DIS3L2: variants seen among roughly 807,000 people sequenced by gnomAD.
DIS3L2 encodes DIS3 like 3'-5' exoribonuclease 2, also known as DIS3-like exonuclease 2.
A neutral mutation model predicts 97.5 loss-of-function variants in DIS3L2; 34 were observed. The observed-to-expected ratio is 0.35, with a 90% CI of 0.27 to 0.46. The LOEUF (loss-of-function observed/expected upper bound fraction) is 0.46, where lower values mean the gene tolerates loss of function less well. Among genes scored for constraint, DIS3L2 ranks in the 20% least tolerant of loss-of-function variants. The pLI is 1.00. For missense variants in DIS3L2, 1,038 were observed against 1,146.0 expected (o/e 0.91, Z 1.36); for synonymous variants, 435 against 445.2 (o/e 0.98, Z 0.29).
intron 7 of DIS3L2, among the ~76,000 whole-genome samples, chr2:232,133,415 G>A (rs1698272423): frequency 6.6e-6 from 1 of 152,188 alleles, no homozygotes; most frequent in South Asian, 2.1e-4. Flanking sequence ...CCCCAACAGG[G>A]TGTATGACTG....
chr2:232,130,770 T>C, intron 7 of DIS3L2, 51 bp downstream of exon 7: 1 of 1,604,014 alleles, frequency 6.2e-7, no homozygotes. Flanking sequence ...TCACCTGAGC[T>C]ACTTGTTGAA....
chr2:232,325,787 G>GC lies in DIS3L2; in HGVS notation c.1740-4022dup, dbSNP rs1575020202. Among the ~76,000 whole-genome samples the GC allele has an allele frequency of 6.6e-6, 1 of 152,176 alleles. No individual in the cohort carries two copies. Among genetic ancestry groups the GC allele is most frequent in the Non-Finnish European group, 1.5e-5 (1 of 68,008 alleles). Reference sequence around the variant, plus strand: ...TGTCAGGCAGTCCCTGAGCTCCAGCGCCCCATCCCCCGCAGGGCCCAGTGA... The same window carrying GC: ...TGTCAGGCAGTCCCTGAGCTCCAGCGCCCCCATCCCCCGCAGGGCCCAGTGA... On this transcript the variant is annotated intron_variant, in intron 14 of 20. Transcript: ENST00000325385. The surrounding 1 kb of genome is among the most constrained non-coding windows in gnomAD (Gnocchi z 4.6).
At chr2:232,115,744 G>A (rs562995294) in intron 6 of DIS3L2, among the ~76,000 whole-genome samples, 38 of 152,304 alleles carry the variant, frequency 2.5e-4, no homozygotes, top group African/African-American at 9.1e-4. Flanking sequence ...TTGTGAAGAA[G>A]TTTTGCCTTC....
chr2:232,156,280 C>T (rs958913338), intron 8 of DIS3L2, among the ~76,000 whole-genome samples: 1 of 152,120 alleles, frequency 6.6e-6, no homozygotes, highest in South Asian at 2.1e-4. Context: ...CTACTTATTT[C>T]CTGAGGTCTA....
chr2:232,322,230 C>G (rs1291251880), intron 14 of DIS3L2, among the ~76,000 whole-genome samples: 1 of 152,244 alleles, frequency 6.6e-6, no homozygotes, highest in Non-Finnish European at 1.5e-5. Flanking sequence ...GAGGACAAAG[C>G]ATGGATGGGG....
At chr2:232,251,292 A>G (rs1693411582) in intron 12 of DIS3L2, among the ~76,000 whole-genome samples, 2 of 152,208 alleles carry the variant, frequency 1.3e-5, no homozygotes, top group African/African-American at 4.8e-5. Flanking sequence ...TTTAAAAAAG[A>G]AGGTAGCTGT....
chr2:232,029,833 A>C lies in DIS3L2; in HGVS notation c.265-146A>C. On this transcript the variant is annotated intron_variant, in intron 4 of 20. Transcript: ENST00000325385. ...GTAAAAAATTCATTTAGTATTAAAA[A>C]GGTATCAGCATGCTTTATTTAATAC... is the stretch of plus-strand genomic sequence containing the variant. 1.4e-5 allele frequency: 8 copies of C among 583,410 alleles called. 1 individual carries two copies. In the South Asian group the frequency reaches 1.9e-4, roughly 14 times the overall value. The allele number at this position is 583,410 out of a possible 1,614,324, so 36.1% of individuals were successfully genotyped here. A position where few individuals can be genotyped will look rare whatever the true frequency, so the allele number is the denominator to read the frequency against.
downstream of DIS3L2, among the ~76,000 whole-genome samples, chr2:232,338,950 G>A (rs1291128336): frequency 6.6e-6 from 1 of 152,254 alleles, no homozygotes. Flanking sequence ...GAGACACCGT[G>A]GGGGAGGGAG....
intron 6 of DIS3L2, among the ~76,000 whole-genome samples, chr2:232,095,830 A>C (rs1696990451): frequency 6.6e-6 from 1 of 152,052 alleles, no homozygotes; most frequent in African/African-American, 2.4e-5. Context: ...CTTTCACTGG[A>C]TATACTATTC....
intron 14 of DIS3L2, among the ~76,000 whole-genome samples, chr2:232,316,274 A>C (rs937674218): frequency 6.6e-6 from 1 of 152,236 alleles, no homozygotes; most frequent in African/African-American, 2.4e-5. Context: ...GAGAGGATTT[A>C]TTCTTCCAGG....
intron 9 of DIS3L2, among the ~76,000 whole-genome samples, chr2:232,202,969 A>G (rs1164988812): frequency 1.3e-5 from 2 of 152,220 alleles, no homozygotes; most frequent in Non-Finnish European, 2.9e-5. Context: ...GGAGGCTTAG[A>G]TGAATTCAGC....
intron 1 of DIS3L2, among the ~76,000 whole-genome samples, chr2:232,013,753 A>C (rs1039330317): frequency 6.6e-6 from 1 of 152,164 alleles, no homozygotes; most frequent in Non-Finnish European, 1.5e-5. Context: ...TGACTCCTCC[A>C]TCTGCCTTTC....
chr2:231,967,199 G>A (rs1313776625), intron 1 of DIS3L2, among the ~76,000 whole-genome samples: 1 of 152,214 alleles, frequency 6.6e-6, no homozygotes, highest in Non-Finnish European at 1.5e-5. Flanking sequence ...TAAAGTATTG[G>A]TGGAGTGTCT....
At chr2:232,270,010 G>A (rs1175497030) in intron 13 of DIS3L2, among the ~76,000 whole-genome samples, 1 of 152,156 alleles carries the variant, frequency 6.6e-6, no homozygotes, top group Non-Finnish European at 1.5e-5. Context: ...AAATCGACAA[G>A]CCTGTAGCAA....
chr2:232,273,877 A>T (rs11693645), intron 13 of DIS3L2, among the ~76,000 whole-genome samples: 1 of 152,164 alleles, frequency 6.6e-6, no homozygotes, highest in Non-Finnish European at 1.5e-5. Context: ...TAGTCCCTAG[A>T]CCCATGATGG....
At chr2:232,341,245 C>T (rs1228217387), downstream of DIS3L2, among the ~76,000 whole-genome samples, 5 of 152,300 alleles carry the variant, frequency 3.3e-5, no homozygotes, top group South Asian at 6.2e-4. Flanking sequence ...GGCAAGCGCT[C>T]GGGACAGTGG....
intron 6 of DIS3L2, among the ~76,000 whole-genome samples, chr2:232,100,147 C>T (rs1264487808): frequency 3.3e-5 from 5 of 151,470 alleles, no homozygotes; most frequent in African/African-American, 1.2e-4. Flanking sequence ...CCTCAGCCTC[C>T]TGACTAGCTG....
In DIS3L2 at chr2:231,994,289, T is replaced by C. The variant is rs116813373; in HGVS notation, c.-93-20546T>C. Among the ~76,000 whole-genome samples, 422 of 152,298 alleles carry C rather than the reference T, an allele frequency of 2.8e-3. 1 individual carries two copies. The highest frequency in any genetic ancestry group is 4.6e-3 in the Non-Finnish European group (314 of 68,020). ...ACCACAGTCTTAATTGCTATAGCTA[T>C]ATAGCTTAAAATCAGATAGTATGAT... On this transcript the variant is annotated intron_variant, in intron 1 of 20. Coordinates refer to ENST00000325385, the MANE Select transcript of DIS3L2 (RefSeq NM_152383.5).
At chr2:232,279,176 A>G (rs1361974697) in intron 13 of DIS3L2, among the ~76,000 whole-genome samples, 1 of 152,200 alleles carries the variant, frequency 6.6e-6, no homozygotes, top group African/African-American at 2.4e-5. Context: ...ACCTCAGGTG[A>G]TCTACCCACC....
Sources: gnomAD v4.1 joint callset for allele counts (sites outside exome capture counted in the v4.1 genomes callset) on GRCh38, gnomAD v4.1.1 for gene constraint, Gnocchi (gnomAD v3.1) non-coding constraint, MANE v1.5 for transcripts, NCBI Gene and HGNC (gene_info 2026-07-23, HGNC 2026-07-21) for gene names.